Variants in DAB1 observed in about 807,000 individuals in gnomAD.
DAB1 encodes DAB adaptor protein 1.
In DAB1, 15 loss-of-function variants were observed where a neutral mutation model predicts 64.6. The observed-to-expected ratio is 0.23, with a 90% CI of 0.16 to 0.36. The LOEUF is 0.36. Among genes scored for constraint, DAB1 ranks in the 10% least tolerant of loss-of-function variants. DAB1 has a pLI of 1.00. For synonymous variants in DAB1, 235 were observed against 251.9 expected, an observed-to-expected ratio of 0.93 and a Z score of 0.64; for missense variants, 596 against 706.7, an observed-to-expected ratio of 0.84 and a Z score of 1.78.
At chr1:58,423,543 C>A (rs1644793131) in intron 3 of DAB1, among the ~76,000 whole-genome samples, 1 of 152,210 alleles carries the variant, frequency 6.6e-6, no homozygotes, top group African/African-American at 2.4e-5. Flanking sequence ...GGCCGACCTC[C>A]AAGCAGAGCA....
At chr1:58,057,517 G>A (rs570801207) in intron 5 of DAB1, among the ~76,000 whole-genome samples, 2 of 152,222 alleles carry the variant, frequency 1.3e-5, no homozygotes, top group East Asian at 1.9e-4. Context: ...AGAGAAAACC[G>A]AGACACACAT....
At chr1:57,281,508 C>T (rs868313582) in intron 2 of DAB1, among the ~76,000 whole-genome samples, 35 of 152,168 alleles carry the variant, frequency 2.3e-4, no homozygotes, top group African/African-American at 7.2e-4. Context: ...CACTCGGTGA[C>T]GTATGATTGG....
At chr1:58,469,915 A>ATTT (rs1306421102) in intron 3 of DAB1, among the ~76,000 whole-genome samples, 2 of 151,928 alleles carry the variant, frequency 1.3e-5, no homozygotes, top group Non-Finnish European at 2.9e-5. Flanking sequence ...AATTTGTGAA[A>ATTT]TTCTTTCAGC....
chr1:57,382,749 T>C lies in DAB1; in HGVS notation c.-137+41181A>G, dbSNP rs35823551. ...GCTTTTAGAGATTCAGATGGTTCGA[T>C]TGGTCCACCTTGATAATCCAAGATC... On this transcript the variant is annotated intron_variant, in intron 1 of 14. Transcript: ENST00000371236. 2.0e-3 allele frequency among the ~76,000 whole-genome samples: 308 copies of C among 152,276 alleles called. 2 individuals are homozygous for C. The highest frequency in any genetic ancestry group is 3.8e-3 in the Non-Finnish European group (258 of 68,014).
intron 7 of DAB1, among the ~76,000 whole-genome samples, chr1:57,587,044 G>A (rs1645389693): frequency 6.6e-6 from 1 of 152,112 alleles, no homozygotes. Flanking sequence ...TCCTCTTTAT[G>A]CTAGAATGCC....
chr1:58,350,173 CATT>C (rs1351872518), intron 3 of DAB1, among the ~76,000 whole-genome samples: 2 of 152,166 alleles, frequency 1.3e-5, no homozygotes, highest in African/African-American at 4.8e-5. Flanking sequence ...GATGGTATCT[CATT>C]GTGGTTTTGA....
intron 6 of DAB1, among the ~76,000 whole-genome samples, chr1:57,727,343 C>T (rs184190022): frequency 6.6e-6 from 1 of 152,340 alleles, no homozygotes. Context: ...CAGCTGTTTA[C>T]ACAACTTTGT....
intron 3 of DAB1, among the ~76,000 whole-genome samples, chr1:58,499,120 A>G (rs1234993184): frequency 6.6e-6 from 1 of 152,104 alleles, no homozygotes; most frequent in African/African-American, 2.4e-5. Flanking sequence ...GCTAAGTGAA[A>G]TAAGCCAGGT....
chr1:58,473,418 T>C (rs1645384093), intron 3 of DAB1, among the ~76,000 whole-genome samples: 1 of 151,950 alleles, frequency 6.6e-6, no homozygotes. Flanking sequence ...GGCGGGCGCC[T>C]GTAGTCCCAG....
At chr1:57,570,397 T>C (rs944925890) in intron 7 of DAB1, among the ~76,000 whole-genome samples, 32 of 150,010 alleles carry the variant, frequency 2.1e-4, no homozygotes, top group Admixed American at 4.0e-4. Flanking sequence ...CAAACTCATA[T>C]ATATATATAT....
chr1:57,076,353 A>G (rs1651991344), intron 4 of DAB1, among the ~76,000 whole-genome samples: 1 of 152,160 alleles, frequency 6.6e-6, no homozygotes, highest in African/African-American at 2.4e-5. Context: ...CTTAGTCTAG[A>G]TATTAAACTA....
intron 1 of DAB1, among the ~76,000 whole-genome samples, chr1:57,853,799 A>G (rs1653636863): frequency 6.6e-6 from 1 of 152,222 alleles, no homozygotes. Flanking sequence ...GTGTTGGGCC[A>G]GATGAATGGT....
At chr1:57,120,046 GC>G (rs1300105592) in intron 4 of DAB1, among the ~76,000 whole-genome samples, 3 of 151,706 alleles carry the variant, frequency 2.0e-5, no homozygotes, top group Non-Finnish European at 1.5e-5. Context: ...GAATTTCTCT[GC>G]CTCTACTTTC....
intron 1 of DAB1, among the ~76,000 whole-genome samples, chr1:57,421,982 C>T (rs1684946607): frequency 6.8e-6 from 1 of 147,782 alleles, no homozygotes. Context: ...CTGCGCAGTT[C>T]CGGTGCCATC....
chr1:57,944,388 T>C (rs1645153012), intron 5 of DAB1, among the ~76,000 whole-genome samples: 1 of 152,170 alleles, frequency 6.6e-6, no homozygotes, highest in Non-Finnish European at 1.5e-5. Context: ...CAGCACTTAC[T>C]TAGTCCACCC....
intron 3 of DAB1, among the ~76,000 whole-genome samples, chr1:58,410,728 AACCCAGGTTTG>A (rs1286263706): frequency 6.6e-6 from 1 of 152,208 alleles, no homozygotes; most frequent in East Asian, 1.9e-4. Context: ...GCTTAGAAGT[AACCCAGGTTTG>A]AAGGGCTGAA....
chr1:58,288,723 AT>A (rs1310032573), intron 4 of DAB1, among the ~76,000 whole-genome samples: 3 of 152,160 alleles, frequency 2.0e-5, no homozygotes, highest in African/African-American at 7.2e-5. Context: ...TTCTCCTTAT[AT>A]TTTTGCTTCC....
At chr1:57,913,331 C>T (rs183441518) in intron 5 of DAB1, among the ~76,000 whole-genome samples, 1 of 152,042 alleles carries the variant, frequency 6.6e-6, no homozygotes. Context: ...CTGACAAAAA[C>T]AAGAAATGGG....
chr1:57,502,312 C>CT, intron 7 of DAB1, among the ~76,000 whole-genome samples: 1 of 115,264 alleles, frequency 8.7e-6, no homozygotes, highest in Non-Finnish European at 1.9e-5. Flanking sequence ...CAGCAAGAGT[C>CT]CGTCTCAAAA....
Sources: allele counts gnomAD v4.1 joint callset (sites outside exome capture counted in the v4.1 genomes callset), GRCh38; gene constraint gnomAD v4.1.1; transcripts MANE v1.5; gene names NCBI Gene and HGNC (gene_info 2026-07-23, HGNC 2026-07-21).